Variants in KCNK9 observed in about 807,000 individuals in gnomAD.
KCNK9 encodes potassium channel subfamily K member 9.
A neutral mutation model predicts 10.8 loss-of-function variants in KCNK9; 1 was observed. That is an observed-to-expected ratio of 0.09 (90% CI 0.03 to 0.44). The LOEUF (loss-of-function observed/expected upper bound fraction) is 0.44. Among genes scored for constraint, KCNK9 ranks in the 20% least tolerant of loss-of-function variants. KCNK9 has a pLI of 0.97. For missense variants in KCNK9, 303 were observed against 515.0 expected (o/e 0.59, Z 3.98); for synonymous variants, 231 against 222.7 (o/e 1.04, Z -0.33).
At chr8:139,675,305 G>A (rs548836754) in intron 1 of KCNK9, among the ~76,000 whole-genome samples, 2 of 152,216 alleles carry the variant, frequency 1.3e-5, no homozygotes, top group Non-Finnish European at 2.9e-5. Context: ...TGGGCATCTT[G>A]TCCTTCCCAA....
At chr8:139,659,830 C>G (rs190258078) in intron 1 of KCNK9, among the ~76,000 whole-genome samples, 1 of 151,718 alleles carries the variant, frequency 6.6e-6, no homozygotes, top group Non-Finnish European at 1.5e-5. Context: ...CCTATTCTTA[C>G]GAGATAAAGC....
rs372901117 is a variant in KCNK9, at chr8:139,632,606, C to T, written c.284-13507G>A. Among the ~76,000 whole-genome samples the T allele has an allele frequency of 2.3e-4, 35 of 152,228 alleles. 3 individuals are homozygous for T. Among genetic ancestry groups the T allele is most frequent in the Admixed American group, 1.2e-3 (19 of 15,286 alleles). ...CCAGGCCTGGCCCACTAAAACCTGCCGTATGATTTTCTCTCTCTGACCTTC... is the reference window on the plus strand; with the variant it reads ...CCAGGCCTGGCCCACTAAAACCTGCTGTATGATTTTCTCTCTCTGACCTTC... On this transcript the variant is annotated intron_variant, in intron 1 of 1. Coordinates refer to ENST00000520439, the MANE Select transcript of KCNK9 (RefSeq NM_001282534.2).
intron 1 of KCNK9, among the ~76,000 whole-genome samples, chr8:139,641,342 C>A (rs1007362716): frequency 6.6e-6 from 1 of 152,168 alleles, no homozygotes; most frequent in South Asian, 2.1e-4. Flanking sequence ...GTCATCCCAG[C>A]GCTCTCCCGC....
At chr8:139,682,328 T>C (rs956465575) in intron 1 of KCNK9, among the ~76,000 whole-genome samples, 3 of 152,100 alleles carry the variant, frequency 2.0e-5, no homozygotes, top group Non-Finnish European at 4.4e-5. Flanking sequence ...CCTCAGCCCC[T>C]GGGAGATGAA....
At chr8:139,676,030 A>G (rs1168506489) in intron 1 of KCNK9, among the ~76,000 whole-genome samples, 1 of 152,128 alleles carries the variant, frequency 6.6e-6, no homozygotes, top group Non-Finnish European at 1.5e-5. Flanking sequence ...CTCCTTTTCT[A>G]TTGGCTAGTT....
At chr8:139,602,176 C>T (rs7012654) in intron 2 of KCNK9, 9,425 of 152,278 alleles carry the variant, frequency 0.062, 393 homozygotes, top group Middle Eastern at 0.11. Context: ...ATCACATGAC[C>T]GCACCCACCC....
At chr8:139,640,078 C>T (rs947840243) in intron 1 of KCNK9, among the ~76,000 whole-genome samples, 1 of 152,204 alleles carries the variant, frequency 6.6e-6, no homozygotes, top group African/African-American at 2.4e-5. Flanking sequence ...AACCCTGGCT[C>T]ATCCCTGACC....
chr8:139,683,563 G>C (rs1277121804), intron 1 of KCNK9, among the ~76,000 whole-genome samples: 1 of 152,186 alleles, frequency 6.6e-6, no homozygotes, highest in African/African-American at 2.4e-5. Flanking sequence ...CTCACGCATG[G>C]GGAGACTAAA....
downstream of KCNK9, among the ~76,000 whole-genome samples, chr8:139,609,242 CCCCA>C (rs1188621271): frequency 1.8e-4 from 14 of 79,008 alleles, no homozygotes; most frequent in African/African-American, 8.3e-4. Context: ...TGCTCTGCCC[CCCCA>C]CCCCCCCCCC....
At chr8:139,608,353 A>G (rs911488493), downstream of KCNK9, among the ~76,000 whole-genome samples, 6 of 152,216 alleles carry the variant, frequency 3.9e-5, no homozygotes, top group Non-Finnish European at 8.8e-5. Context: ...TCACAGCAGC[A>G]TCTGCAGAAC....
intron 2 of KCNK9, chr8:139,602,124 G>A (rs1817383847): frequency 6.6e-6 from 1 of 152,266 alleles, no homozygotes; most frequent in Non-Finnish European, 1.5e-5. Context: ...CAGCCGGGAA[G>A]TGATCTGTGC....
intron 1 of KCNK9, among the ~76,000 whole-genome samples, chr8:139,692,939 T>C (rs1376596648): frequency 1.3e-5 from 2 of 151,278 alleles, no homozygotes; most frequent in Non-Finnish European, 3.0e-5. Context: ...CAGTTCTCAA[T>C]ACCACCCAGC....
chr8:139,690,465 A>G (rs1816914577), intron 1 of KCNK9, among the ~76,000 whole-genome samples: 1 of 152,194 alleles, frequency 6.6e-6, no homozygotes, highest in Middle Eastern at 3.2e-3. Context: ...CAAACCAATG[A>G]GGGTCATTTT....
intron 1 of KCNK9, among the ~76,000 whole-genome samples, chr8:139,663,510 T>C (rs1257926438): frequency 1.3e-5 from 2 of 151,894 alleles, no homozygotes; most frequent in Non-Finnish European, 2.9e-5. Context: ...CAGCATTGCT[T>C]CCCACCTGCT....
chr8:139,651,052 T>C lies in KCNK9; in HGVS notation c.284-31953A>G, dbSNP rs566778176. On this transcript the variant is annotated intron_variant, in intron 1 of 1. Transcript: ENST00000520439. The stretch of plus-strand genomic sequence containing the variant: ...CAGGGAGCCCACCCCCTTCTGCTTC[T>C]TCCCAGCTGCAAGGCTATCAGGGTG... Among the ~76,000 whole-genome samples, 9 of 152,274 alleles carry C rather than the reference T, an allele frequency of 5.9e-5. No homozygotes were observed. In the South Asian group the frequency reaches 1.9e-3, roughly 32 times the overall value.
intron 1 of KCNK9, among the ~76,000 whole-genome samples, chr8:139,658,357 G>A (rs1378423979): frequency 6.6e-6 from 1 of 152,104 alleles, no homozygotes; most frequent in African/African-American, 2.4e-5. Flanking sequence ...CCATCCCAAA[G>A]CCCCATGGCT....
chr8:139,663,648 C>CGTGTGTGTGTGTGTGTGT (rs34660685), intron 1 of KCNK9, among the ~76,000 whole-genome samples: 2,834 of 137,458 alleles, frequency 0.021, 43 homozygotes, highest in South Asian at 0.039. Flanking sequence ...CGCGTGCGCA[C>CGTGTGTGTGTGTGTGTGT]GTGTGTGTGT....
chr8:139,621,500 A>G (rs887687601), intron 1 of KCNK9, among the ~76,000 whole-genome samples: 7 of 152,180 alleles, frequency 4.6e-5, no homozygotes, highest in African/African-American at 1.7e-4. Context: ...ATCTAAACAT[A>G]AGCAACAGAG....
At chr8:139,615,783 A>G (rs570725531), downstream of KCNK9, 8 of 152,150 alleles carry the variant, frequency 5.3e-5, no homozygotes, top group African/African-American at 1.4e-4. Context: ...AATGTTTTCT[A>G]TAGTTCCTGG....
Sources: gnomAD v4.1 joint callset for allele counts (sites outside exome capture counted in the v4.1 genomes callset) on GRCh38, gnomAD v4.1.1 for gene constraint, MANE v1.5 for transcripts, NCBI Gene and HGNC (gene_info 2026-07-23, HGNC 2026-07-21) for gene names.